The following ANO2 variants were observed in gnomAD, a reference collection of about 807,000 sequenced individuals.
ANO2 encodes anoctamin 2, also known as anoctamin-2.
A neutral mutation model predicts 124.2 loss-of-function variants in ANO2; 101 were observed. That is an observed-to-expected ratio of 0.81 (90% confidence interval 0.69 to 0.96). The LOEUF (loss-of-function observed/expected upper bound fraction) is 0.96, where lower values mean the gene tolerates loss of function less well. Among genes scored for constraint, ANO2 ranks in the 40% least tolerant of loss-of-function variants. ANO2 has a pLI of 0.00. For missense variants in ANO2, 1,293 were observed against 1,274.5 expected (o/e 1.01, Z -0.22); for synonymous variants, 486 against 482.5 (o/e 1.01, Z -0.09).
At chr12:5,585,862 T>G (rs1031817537) in intron 20 of ANO2, among the ~76,000 whole-genome samples, 1 of 152,116 alleles carries the variant, frequency 6.6e-6, no homozygotes, top group African/African-American at 2.4e-5. Flanking sequence ...TCCCAAAAGG[T>G]TTGTGCAAAA....
chr12:5,659,511 G>T (rs1288027492), intron 14 of ANO2, among the ~76,000 whole-genome samples: 1 of 152,236 alleles, frequency 6.6e-6, no homozygotes, highest in Non-Finnish European at 1.5e-5. Context: ...CAGTCTAGGA[G>T]GGGAATCTTG....
chr12:5,572,884 C>G (rs1942205652), intron 23 of ANO2, among the ~76,000 whole-genome samples: 1 of 152,126 alleles, frequency 6.6e-6, no homozygotes, highest in Non-Finnish European at 1.5e-5. Flanking sequence ...ACAAACAAGC[C>G]ATGATCTTAT....
chr12:5,796,267 A>G (rs1482711033), intron 10 of ANO2, among the ~76,000 whole-genome samples: 1 of 151,508 alleles, frequency 6.6e-6, no homozygotes, highest in Admixed American at 6.6e-5. Flanking sequence ...ACTCACACCG[A>G]CACACGCATG....
At chr12:5,714,423 G>A (rs1949938072) in intron 14 of ANO2, among the ~76,000 whole-genome samples, 1 of 152,140 alleles carries the variant, frequency 6.6e-6, no homozygotes, top group Non-Finnish European at 1.5e-5. Context: ...AGAAACACCA[G>A]CCAAGCACCA....
intron 15 of ANO2, among the ~76,000 whole-genome samples, chr12:5,642,747 C>A (rs1185426686): frequency 6.6e-6 from 1 of 152,148 alleles, no homozygotes; most frequent in African/African-American, 2.4e-5. Flanking sequence ...CAGGGCCCTA[C>A]CTACAGGGCT....
At chr12:5,612,474 A>T (rs559796166) in intron 19 of ANO2, among the ~76,000 whole-genome samples, 182 bp downstream of exon 19, 1 of 152,190 alleles carries the variant, frequency 6.6e-6, no homozygotes, top group African/African-American at 2.4e-5. Context: ...AGCCTCCAAC[A>T]TCTCAAATCA....
intron 3 of ANO2, among the ~76,000 whole-genome samples, chr12:5,915,093 C>T (rs1165292891): frequency 6.6e-6 from 1 of 152,142 alleles, no homozygotes; most frequent in South Asian, 2.1e-4. Flanking sequence ...TTAAATTAGC[C>T]CCCAACTCTG....
intron 10 of ANO2, among the ~76,000 whole-genome samples, chr12:5,753,382 G>C (rs55881215): frequency 3.3e-5 from 5 of 152,278 alleles, no homozygotes; most frequent in Non-Finnish European, 5.9e-5. Context: ...GGTGAACATA[G>C]AGCAGCTGCC....
intron 16 of ANO2, among the ~76,000 whole-genome samples, chr12:5,625,367 T>TGAGA (rs57475041): frequency 3.1e-4 from 45 of 146,546 alleles, no homozygotes; most frequent in African/African-American, 9.4e-4. Context: ...ATCCTAGGGG[T>TGAGA]GAGAGAGAGA....
intron 14 of ANO2, among the ~76,000 whole-genome samples, chr12:5,665,169 AGG>A (rs1170813130): frequency 6.6e-6 from 1 of 152,176 alleles, no homozygotes; most frequent in Admixed American, 6.5e-5. Context: ...CAGAGGGTGC[AGG>A]GGCTACTGGA....
At position 5,575,885 on chromosome 12, in the gene ANO2, T is replaced by C. The variant is rs1288005551; in HGVS notation, c.2570A>G (p.Glu857Gly). 1.2e-6 allele frequency: 2 copies of C among 1,613,770 alleles called. No individual in the cohort carries two copies. The highest frequency in any genetic ancestry group is 1.7e-5 in the Admixed American group (1 of 59,992). Reference protein sequence around the residue: ...LSFFNVSQLKEGTQPENSQFD... With the variant: ...LSFFNVSQLKGGTQPENSQFD... ...CTGTGAGTTTTCTGGCTGCGTCCCC[T>C]CCTTCAGCTGGCTGACGTTGAAAAA... The change falls in exon 23 of 25, where the codon GAG becomes GGG. Residue 857 changes from glutamate (E) to glycine (G), a missense_variant. Physicochemically the swap from Glu to Gly is moderately conservative, Grantham distance 98 (BLOSUM62 -2). Transcript: ENST00000682330.
chr12:5,771,949 C>T (rs1952094787), intron 10 of ANO2, among the ~76,000 whole-genome samples: 1 of 152,110 alleles, frequency 6.6e-6, no homozygotes, highest in Non-Finnish European at 1.5e-5. Context: ...AGCATGAGAG[C>T]TTCCAAGTAC....
intron 4 of ANO2, among the ~76,000 whole-genome samples, chr12:5,853,287 C>A (rs1276162286): frequency 6.6e-6 from 1 of 150,632 alleles, no homozygotes; most frequent in Non-Finnish European, 1.5e-5. Flanking sequence ...CAGGTGTGAG[C>A]CACCGTTCCT....
chr12:5,638,882 T>C (rs981526715), intron 15 of ANO2, among the ~76,000 whole-genome samples: 1 of 152,142 alleles, frequency 6.6e-6, no homozygotes, highest in African/African-American at 2.4e-5. Flanking sequence ...AGAGTCCTAC[T>C]TGACGCCAAG....
At chr12:5,895,935 T>A (rs1591757541) in intron 3 of ANO2, among the ~76,000 whole-genome samples, 1 of 152,112 alleles carries the variant, frequency 6.6e-6, no homozygotes, top group Non-Finnish European at 1.5e-5. Flanking sequence ...ATATATACCA[T>A]GGGATACTAC....
At chr12:5,842,127 G>T (rs1158187630) in intron 4 of ANO2, among the ~76,000 whole-genome samples, 1 of 152,058 alleles carries the variant, frequency 6.6e-6, no homozygotes, top group Admixed American at 6.5e-5. Flanking sequence ...TGATCCTCCT[G>T]CCTTTGCCTC....
chr12:5,766,512 G>T (rs537719418), intron 10 of ANO2, among the ~76,000 whole-genome samples: 4 of 152,084 alleles, frequency 2.6e-5, no homozygotes, highest in African/African-American at 7.2e-5. Context: ...TAATTCTTGC[G>T]TTAGAAGTTG....
intron 17 of ANO2, among the ~76,000 whole-genome samples, chr12:5,614,721 C>T (rs1249060070): frequency 1.3e-5 from 2 of 152,176 alleles, no homozygotes; most frequent in East Asian, 3.9e-4. Flanking sequence ...GAATTATAGC[C>T]AGTGGGTCAT....
chr12:5,799,706 G>A (rs1397934574), intron 9 of ANO2, 135 bp from the exon 10 acceptor site: 2 of 769,232 alleles, frequency 2.6e-6, no homozygotes, highest in Non-Finnish European at 4.3e-6. Context: ...TCCAGGGGGA[G>A]ATGTTCAGAA....
Sources: gnomAD v4.1 joint callset for allele counts (sites outside exome capture counted in the v4.1 genomes callset) on GRCh38, gnomAD v4.1.1 for gene constraint, MANE v1.5 for transcripts, NCBI Gene and HGNC (gene_info 2026-07-23, HGNC 2026-07-21) for gene names.